Variants in DGKD observed in about 807,000 individuals in gnomAD.
DGKD encodes DAG kinase delta.
DGKD carries 68 observed loss-of-function variants against 154.4 expected under a neutral mutation model. The observed-to-expected ratio is 0.44, with a 90% CI of 0.36 to 0.54. The LOEUF is 0.54. Among genes scored for constraint, DGKD ranks in the 20% least tolerant of loss-of-function variants. DGKD has a pLI of 0.00. For synonymous variants in DGKD, 693 were observed against 638.0 expected (o/e 1.09, Z -1.30); for missense variants, 1,343 against 1,593.6 (o/e 0.84, Z 2.68).
At chr2:233,383,296 C>T (rs944883188) in intron 1 of DGKD, among the ~76,000 whole-genome samples, 2 of 152,168 alleles carry the variant, frequency 1.3e-5, no homozygotes, top group African/African-American at 4.8e-5. Context: ...CTGCTTCGGC[C>T]TTCCAAAGTG....
intron 1 of DGKD, among the ~76,000 whole-genome samples, chr2:233,385,227 A>G (rs748919680): frequency 8.6e-5 from 13 of 152,032 alleles, no homozygotes; most frequent in South Asian, 2.1e-4. Flanking sequence ...CTTCCCCCCA[A>G]GCAGCTGCAC....
In DGKD at chr2:233,471,369, G is replaced by A. The variant is rs1189490401; in HGVS notation, c.*1909G>A. 1 of 152,414 alleles carries A rather than the reference G, an allele frequency of 6.6e-6. No homozygotes were observed. Among genetic ancestry groups the A allele is most frequent in the Non-Finnish European group, 1.5e-5 (1 of 68,090 alleles). The allele number at this position is 152,414 out of a possible 1,614,324, so 9.4% of individuals were successfully genotyped here. On this transcript the variant is annotated 3_prime_UTR_variant, in exon 30 of 30. Coordinates refer to ENST00000264057, the MANE Select transcript of DGKD (RefSeq NM_152879.3). ...TGGGGGTTGGCAGAGGGAGAAATAA[G>A]CCAGCCACGGCAGTCGCTTGGTTTC...
At chr2:233,356,479 A>G (rs982442828) in intron 1 of DGKD, among the ~76,000 whole-genome samples, 1 of 152,192 alleles carries the variant, frequency 6.6e-6, no homozygotes, top group Non-Finnish European at 1.5e-5. Flanking sequence ...CAGGCAAGGT[A>G]CTGACCAGTG....
chr2:233,460,476 G>A lies in DGKD; in HGVS notation c.2981+131G>A, dbSNP rs1338218524. 2.6e-5 allele frequency: 32 copies of A among 1,218,914 alleles called. No individual in the cohort carries two copies. In the East Asian group the frequency reaches 6.2e-4, roughly 24 times the overall value. The allele number at this position is 1,218,914 out of a possible 1,614,324, so 75.5% of individuals were successfully genotyped here. A position where few individuals can be genotyped will look rare whatever the true frequency, so the allele number is the denominator to read the frequency against. On this transcript the variant is annotated intron_variant, in intron 24 of 29. Coordinates refer to ENST00000264057, the MANE Select transcript of DGKD (RefSeq NM_152879.3). ...GGGGTCTGCATTACCCATGAGGGCC[G>A]AGCCTGTTTATGTGCCCTCAGCTCT... is the stretch of plus-strand genomic sequence containing the variant.
intron 27 of DGKD, among the ~76,000 whole-genome samples, chr2:233,465,839 G>GT (rs534960357): frequency 1.9e-4 from 29 of 150,580 alleles, no homozygotes; most frequent in East Asian, 3.9e-4. Context: ...CAAGAGCCCT[G>GT]TTTTTTTTTC....
chr2:233,462,660 C>T lies in DGKD; in HGVS notation c.3111C>T (p.Phe1037=), dbSNP rs190346249. The T allele has an allele frequency of 2.1e-5, 34 of 1,614,132 alleles. No homozygotes were observed. The highest frequency in any genetic ancestry group is 1.5e-4 in the Admixed American group (9 of 60,012). ...TCTTCTAGGGGCTCAACTGCAGCTTCGTCCTGGAAATGGTGAATAACTTCA... is the reference window on the plus strand; with the variant it reads ...TCTTCTAGGGGCTCAACTGCAGCTTTGTCCTGGAAATGGTGAATAACTTCA... ...PRTTEGLNCS[F]VLEMVNNFRA... Residue 1037 remains phenylalanine, a synonymous_variant, in exon 26 of 30, where the codon TTC becomes TTT. Coordinates refer to ENST00000264057, the MANE Select transcript of DGKD (RefSeq NM_152879.3).
At chr2:233,359,494 A>ATT (rs34252378) in intron 1 of DGKD, among the ~76,000 whole-genome samples, 17,011 of 144,960 alleles carry the variant, frequency 0.12, 1,180 homozygotes, top group African/African-American at 0.18. Context: ...TGTCTTTCTG[A>ATT]TTTTTTTTTT....
intron 1 of DGKD, among the ~76,000 whole-genome samples, chr2:233,366,201 G>A (rs1256545242): frequency 1.3e-5 from 2 of 152,188 alleles, no homozygotes; most frequent in Admixed American, 1.3e-4. Flanking sequence ...CCCCAGATTA[G>A]TGGGATACTA....
At chr2:233,370,765 T>A (rs10201962) in intron 1 of DGKD, among the ~76,000 whole-genome samples, 6 of 151,940 alleles carry the variant, frequency 3.9e-5, no homozygotes, top group South Asian at 2.1e-4. Context: ...TATTTTTTTT[T>A]AAATTTTTGA....
chr2:233,391,066 G>GT (rs1229260319), intron 3 of DGKD, among the ~76,000 whole-genome samples: 9 of 152,158 alleles, frequency 5.9e-5, no homozygotes, highest in East Asian at 1.9e-4. Context: ...ACAGAGTTTT[G>GT]TTTTTTGTGA....
In DGKD at chr2:233,381,151, C is replaced by T. The variant is rs143531639; in HGVS notation, c.157-7106C>T. Among the ~76,000 whole-genome samples the T allele has an allele frequency of 2.7e-3, 408 of 152,288 alleles. 2 individuals are homozygous for T. Among genetic ancestry groups the T allele is most frequent in the African/African-American group, 9.2e-3 (382 of 41,552 alleles). ...GGGATTCTGCAGTGCGGCAGTTGCC[C>T]GGTGCGCTCTCTCCTGCTGGCCGTT... On this transcript the variant is annotated intron_variant, in intron 1 of 29. Coordinates refer to ENST00000264057, the MANE Select transcript of DGKD (RefSeq NM_152879.3).
In DGKD at chr2:233,467,135, T is replaced by C. The variant is rs776625190; in HGVS notation, c.3356T>C (p.Leu1119Pro). ...AKRSRSGKFR[L>P]VTKFKKEKNN... Reference sequence around the variant, plus strand: ...CGCAGTCGCAGTGGTAAATTCCGCCTCGTGACCAAGTTTAAAAAGGAGAAA... The same window carrying C: ...CGCAGTCGCAGTGGTAAATTCCGCCCCGTGACCAAGTTTAAAAAGGAGAAA... Residue 1119 changes from leucine to proline, a missense_variant, in exon 28 of 30, where the codon CTC becomes CCC. By Grantham distance (98) the Leu-to-Pro change is moderately conservative. Coordinates refer to ENST00000264057, the MANE Select transcript of DGKD (RefSeq NM_152879.3). The C allele has an allele frequency of 6.2e-7, 1 of 1,614,224 alleles. No homozygotes were observed. Among genetic ancestry groups the C allele is most frequent in the South Asian group, 1.1e-5 (1 of 91,088 alleles).
intron 18 of DGKD, among the ~76,000 whole-genome samples, chr2:233,453,445 T>A (rs1182812478): frequency 6.6e-6 from 1 of 152,216 alleles, no homozygotes; most frequent in East Asian, 1.9e-4. Context: ...GTCTTCCCCC[T>A]GGTAAACAGT....
chr2:233,427,356 T>A (rs899157140), intron 3 of DGKD, among the ~76,000 whole-genome samples: 2 of 150,416 alleles, frequency 1.3e-5, no homozygotes, highest in African/African-American at 4.9e-5. Flanking sequence ...TTTTTTTTTT[T>A]TTGAGACAGG....
intron 6 of DGKD, 90 bp downstream of exon 6, chr2:233,436,014 ACT>A (rs1188510211): frequency 1.4e-5 from 18 of 1,327,582 alleles, no homozygotes; most frequent in Non-Finnish European, 1.8e-5. Flanking sequence ...CCTCCCTGCC[ACT>A]GTTTCATTTG....
In DGKD at chr2:233,434,496, A is replaced by G; in HGVS notation, c.453+12A>G. ...GGGAGCACTTTGAGGTTAAAAAAGA[A>G]AATACCCTTCTCCAAATGCCTCCTG... On this transcript the variant is annotated intron_variant, in intron 4 of 29. Coordinates refer to ENST00000264057, the MANE Select transcript of DGKD (RefSeq NM_152879.3). 1 of 1,611,630 alleles carries G rather than the reference A, an allele frequency of 6.2e-7. No homozygotes were observed. Among genetic ancestry groups the G allele is most frequent in the Non-Finnish European group, 8.5e-7 (1 of 1,177,822 alleles).
In DGKD at chr2:233,447,833, C is replaced by T. The variant is rs572892357; in HGVS notation, c.1420-254C>T. The T allele has an allele frequency of 1.8e-5, 23 of 1,302,568 alleles. No homozygotes were observed. The South Asian group carries it at 3.5e-4, about 20-fold the overall frequency. The allele number at this position is 1,302,568 out of a possible 1,614,324, so 80.7% of individuals were successfully genotyped here. A position where few individuals can be genotyped will look rare whatever the true frequency, so the allele number is the denominator to read the frequency against. On this transcript the variant is annotated intron_variant, in intron 12 of 29. Coordinates refer to ENST00000264057, the MANE Select transcript of DGKD (RefSeq NM_152879.3). ...CCTAGCACAGGCCGTGCTGGGATCG[C>T]AGACTGAAGGAGATTCATTTGCAGT... is the stretch of plus-strand genomic sequence containing the variant.
chr2:233,456,768 A>G, intron 19 of DGKD, 131 bp from the exon 20 acceptor site: 2 of 685,400 alleles, frequency 2.9e-6, no homozygotes, highest in South Asian at 1.9e-5. Context: ...TTCAGATGTT[A>G]CTGCTGTAAA....
At chr2:233,446,582 C>A in intron 11 of DGKD, 130 bp from the exon 12 acceptor site, 1 of 857,028 alleles carries the variant, frequency 1.2e-6, no homozygotes, top group Non-Finnish European at 1.8e-6. Flanking sequence ...GAGTCAAGAC[C>A]AAGGGCCTAA....
Sources: gnomAD v4.1 joint callset for allele counts (sites outside exome capture counted in the v4.1 genomes callset) on GRCh38, gnomAD v4.1.1 for gene constraint, MANE v1.5 for transcripts, NCBI Gene and HGNC (gene_info 2026-07-23, HGNC 2026-07-21) for gene names.